MAP4K4: variants seen among roughly 807,000 people sequenced by gnomAD.
MAP4K4 encodes the protein mitogen-activated protein kinase kinase kinase kinase 4.
A neutral mutation model predicts 189.6 loss-of-function variants in MAP4K4; 38 were observed. The ratio of observed to expected loss-of-function variants is 0.20; its 90% CI spans 0.15 to 0.26. The LOEUF (loss-of-function observed/expected upper bound fraction) is 0.26. Among genes scored for constraint, MAP4K4 ranks in the 10% least tolerant of loss-of-function variants. The pLI is 1.00. For synonymous variants in MAP4K4, 610 were observed against 624.3 expected (o/e 0.98, Z 0.34); for missense variants, 1,054 against 1,726.9 (o/e 0.61, Z 6.91).
chr2:101,892,004 A>G (rs2098577300), exon 33 of MAP4K4: 2 of 150,636 alleles, frequency 1.3e-5, no homozygotes, highest in Non-Finnish European at 3.0e-5. Context: ...AAAAAAAAAA[A>G]AAAAAAAAAA....
At chr2:101,728,445 A>C (rs2056717895) in intron 2 of MAP4K4, among the ~76,000 whole-genome samples, 1 of 152,192 alleles carries the variant, frequency 6.6e-6, no homozygotes, top group South Asian at 2.1e-4. Context: ...TTTATTATGA[A>C]AAATTTCAAA....
chr2:101,698,681 C>T (rs775634204), intron 2 of MAP4K4, 143 bp downstream of exon 2: 46 of 739,254 alleles, frequency 6.2e-5, no homozygotes, highest in Non-Finnish European at 1.1e-4. Context: ...GCCTTGCAGT[C>T]CCTCTGTTTT....
chr2:101,890,772 A>G (rs1341814334), intron 32 of MAP4K4, among the ~76,000 whole-genome samples: 2 of 147,232 alleles, frequency 1.4e-5, no homozygotes, highest in South Asian at 2.2e-4. Flanking sequence ...TTATTTATTT[A>G]TTTTTTGAGA....
At chr2:101,878,860 A>G (rs1559312951) in intron 27 of MAP4K4, among the ~76,000 whole-genome samples, 5 of 152,164 alleles carry the variant, frequency 3.3e-5, no homozygotes, top group African/African-American at 1.2e-4. Flanking sequence ...TACTTCTAAT[A>G]TATGCTTTGG....
intron 2 of MAP4K4, among the ~76,000 whole-genome samples, chr2:101,777,433 G>A (rs893308719): frequency 4.6e-5 from 7 of 152,192 alleles, no homozygotes; most frequent in East Asian, 3.9e-4. Context: ...TGGAGCTAGC[G>A]TATCCCACCT....
intron 2 of MAP4K4, among the ~76,000 whole-genome samples, chr2:101,707,878 T>C (rs1288386881): frequency 1.3e-5 from 2 of 151,362 alleles, no homozygotes; most frequent in Admixed American, 6.6e-5. Flanking sequence ...TTTTTTGTAT[T>C]TTTAGTAGAG....
intron 2 of MAP4K4, among the ~76,000 whole-genome samples, chr2:101,747,114 T>C (rs939626191): frequency 6.6e-6 from 1 of 152,080 alleles, no homozygotes; most frequent in Non-Finnish European, 1.5e-5. Context: ...CCATATTCTT[T>C]TTTTTTGTTT....
At chr2:101,815,916 G>T (rs954533753) in intron 3 of MAP4K4, among the ~76,000 whole-genome samples, 1 of 152,150 alleles carries the variant, frequency 6.6e-6, no homozygotes, top group East Asian at 1.9e-4. Flanking sequence ...GCACGGGGAC[G>T]TGTTGATAGT....
intron 3 of MAP4K4, among the ~76,000 whole-genome samples, chr2:101,819,506 G>A (rs2095912367): frequency 6.6e-6 from 1 of 152,156 alleles, no homozygotes; most frequent in African/African-American, 2.4e-5. Flanking sequence ...TATAAGATGT[G>A]TAATAGTCGT....
chr2:101,711,559 T>C (rs1398120120), intron 2 of MAP4K4, among the ~76,000 whole-genome samples: 2 of 152,202 alleles, frequency 1.3e-5, no homozygotes, highest in Non-Finnish European at 2.9e-5. Context: ...CTGGCCTTGC[T>C]CTTTGATAAT....
intron 2 of MAP4K4, among the ~76,000 whole-genome samples, chr2:101,741,534 T>C (rs904787109): frequency 6.6e-6 from 1 of 152,114 alleles, no homozygotes; most frequent in African/African-American, 2.4e-5. Flanking sequence ...CCCTGCCCAC[T>C]TGCTAAATTA....
At chr2:101,714,338 C>T (rs2047283482) in intron 2 of MAP4K4, among the ~76,000 whole-genome samples, 2 of 152,138 alleles carry the variant, frequency 1.3e-5, no homozygotes, top group East Asian at 1.9e-4. Context: ...ATTTCCTGTA[C>T]TTGTGAAGAA....
At chr2:101,743,108 A>G (rs1558681300) in intron 2 of MAP4K4, among the ~76,000 whole-genome samples, 1 of 152,162 alleles carries the variant, frequency 6.6e-6, no homozygotes, top group Admixed American at 6.5e-5. Context: ...TTTCCCCATG[A>G]AAGATTGTTA....
chr2:101,870,372 C>T (rs746075133), exon 23 of MAP4K4: 25 of 1,613,512 alleles, frequency 1.5e-5, no homozygotes, highest in African/African-American at 1.1e-4. Flanking sequence ...GAAAGTGAGC[C>T]GGCCATGACC....
At chr2:101,845,247 C>T (rs565424096) in intron 12 of MAP4K4, among the ~76,000 whole-genome samples, 1 of 151,816 alleles carries the variant, frequency 6.6e-6, no homozygotes, top group African/African-American at 2.4e-5. Flanking sequence ...ACAATTTGAA[C>T]CTGGAAGTTG....
At chr2:101,771,015 A>G (rs2081181886) in intron 2 of MAP4K4, among the ~76,000 whole-genome samples, 1 of 152,206 alleles carries the variant, frequency 6.6e-6, no homozygotes, top group Non-Finnish European at 1.5e-5. Context: ...ATCCCACTTA[A>G]CAGCCTCATG....
At position 101,714,072 on chromosome 2, in the gene MAP4K4, C is replaced by T. The variant is rs77210689; in HGVS notation, c.123+15534C>T. Among the ~76,000 whole-genome samples the T allele has an allele frequency of 6.4e-3, 981 of 152,222 alleles. 15 individuals are homozygous for T. Among genetic ancestry groups the T allele is most frequent in the African/African-American group, 0.023 (949 of 41,524 alleles). On this transcript the variant is annotated intron_variant, in intron 2 of 32. Coordinates refer to ENST00000324219, the Ensembl canonical transcript of MAP4K4. Reference sequence around the variant, plus strand: ...AATAGAGACAAACCTCAAATCCAATCCAGAGAGCATTGCTTCAAGGAACAG... The same window carrying T: ...AATAGAGACAAACCTCAAATCCAATTCAGAGAGCATTGCTTCAAGGAACAG...
At chr2:101,822,724 C>G (rs771222740) in intron 3 of MAP4K4, among the ~76,000 whole-genome samples, 1 of 152,098 alleles carries the variant, frequency 6.6e-6, no homozygotes, top group Admixed American at 6.5e-5. Flanking sequence ...CGTACACACA[C>G]GTCTAGGCTA....
At chr2:101,788,619 G>A (rs958550243) in intron 2 of MAP4K4, among the ~76,000 whole-genome samples, 5 of 152,170 alleles carry the variant, frequency 3.3e-5, no homozygotes, top group Non-Finnish European at 5.9e-5. Flanking sequence ...GAAGACTGAT[G>A]CTGTCACATG....
Sources: allele counts gnomAD v4.1 joint callset (sites outside exome capture counted in the v4.1 genomes callset), GRCh38; gene constraint gnomAD v4.1.1; transcripts MANE v1.5; gene names NCBI Gene and HGNC (gene_info 2026-07-23, HGNC 2026-07-21).